The following MFSD12 variants were observed in gnomAD, a reference collection of about 807,000 sequenced individuals.
MFSD12 encodes major facilitator superfamily domain-containing protein 12.
MFSD12 carries 67 observed loss-of-function variants against 51.2 expected under a neutral mutation model. That is an observed-to-expected ratio of 1.31 (90% confidence interval 1.08 to 1.60). The LOEUF (loss-of-function observed/expected upper bound fraction) is 1.60. Among genes scored for constraint, MFSD12 ranks in the 40% most tolerant of loss-of-function variants. MFSD12 has a pLI of 0.00. For synonymous variants in MFSD12, 441 were observed against 316.7 expected (o/e 1.39, Z -4.17); for missense variants, 921 against 673.0 (o/e 1.37, Z -4.08).
At chr19:3,552,330 G>C (rs2031517931) in intron 1 of MFSD12, among the ~76,000 whole-genome samples, 1 of 149,266 alleles carries the variant, frequency 6.7e-6, no homozygotes, top group African/African-American at 2.5e-5. Context: ...ACCATACCCA[G>C]CTAATTTTTG....
At chr19:3,545,426 GCCT>G (rs796544625) in intron 8 of MFSD12, among the ~76,000 whole-genome samples, 17 of 151,130 alleles carry the variant, frequency 1.1e-4, no homozygotes, top group Admixed American at 5.9e-4. Flanking sequence ...AGCCACACAG[GCCT>G]CCTCCCTGTT....
intron 6 of MFSD12, among the ~76,000 whole-genome samples, chr19:3,546,857 A>AGAGTCTCGCTGT (rs2031102697): frequency 6.6e-6 from 1 of 151,920 alleles, no homozygotes; most frequent in Non-Finnish European, 1.5e-5. Flanking sequence ...TCTGGAGACA[A>AGAGTCTCGCTGT]GAGTCTCGCT....
chr19:3,546,282 CATGGCCAGCGAGGTGACGAGGATG>C lies in MFSD12; in HGVS notation c.1143_1166del (p.Ile382_Met389del). ...TGTGGGGACCGATGAGGTCGGCCGTCATGGCCAGCGAGGTGACGAGGATGGTGGCACAGCCAGCACCCAGCAGCA... is the reference window on the plus strand; with the variant it reads ...TGTGGGGACCGATGAGGTCGGCCGTCGTGGCACAGCCAGCACCCAGCAGCA... On this transcript the variant is annotated inframe_deletion, in exon 7 of 10. Transcript: ENST00000355415. 3.1e-6 allele frequency: 5 copies of C among 1,610,700 alleles called. No homozygotes were observed. The highest frequency in any genetic ancestry group is 4.2e-6 in the Non-Finnish European group (5 of 1,179,172).
chr19:3,551,219 G>T lies in MFSD12; in HGVS notation c.299-25C>A, dbSNP rs754102411. On this transcript the variant is annotated intron_variant, in intron 1 of 9. Transcript: ENST00000355415. This position sits in a 1 kb window ranked among gnomAD's most constrained non-coding sequence, Gnocchi z 4.6. Reference sequence around the variant, plus strand: ...CCTGTGGAAGGCAGAGTGGTCAGTCGCGGGGCTGTCCCGCACCAGCCAGGG... The same window carrying T: ...CCTGTGGAAGGCAGAGTGGTCAGTCTCGGGGCTGTCCCGCACCAGCCAGGG... The T allele has an allele frequency of 3.2e-6, 5 of 1,555,928 alleles. No individual in the cohort carries two copies. The highest frequency in any genetic ancestry group is 2.7e-5 in the African/African-American group (2 of 74,010).
At chr19:3,542,230 G>T, downstream of MFSD12, 1 of 985,348 alleles carries the variant, frequency 1.0e-6, no homozygotes, top group African/African-American at 1.7e-5. Flanking sequence ...GTCTATGTGG[G>T]GTCCCTCAAA....
In MFSD12 at chr19:3,557,555, G is replaced by A. The variant is rs1335713849; in HGVS notation, c.-152C>T. 3 of 302,870 alleles carry A rather than the reference G, an allele frequency of 9.9e-6. No individual in the cohort carries two copies. Among genetic ancestry groups the A allele is most frequent in the African/African-American group, 2.2e-5 (1 of 44,910 alleles). The allele number at this position is 302,870 out of a possible 1,614,324, so 18.8% of individuals were successfully genotyped here. A position where few individuals can be genotyped will look rare whatever the true frequency, so the allele number is the denominator to read the frequency against. On this transcript the variant is annotated 5_prime_UTR_variant, in exon 1 of 10. In the 5' UTR this introduces an upstream ATG that the reference lacks. Coordinates refer to ENST00000355415, the MANE Select transcript of MFSD12 (RefSeq NM_174983.5). ...CTCTTACGGCCGCGCCCTCACCCAC[G>A]TCCGCCGCGTCCGCCCCACGCTCGA...
rs2031228761 is a variant in MFSD12 at position 3,548,124 on chromosome 19, CG to C, written c.652del (p.Arg218GlyfsTer68). The C allele has an allele frequency of 6.2e-7, 1 of 1,606,504 alleles. No individual in the cohort carries two copies. Among genetic ancestry groups the C allele is most frequent in the East Asian group, 2.2e-5 (1 of 44,802 alleles). ...CGACCCACCCGGACTCCAGCTCACCCGGAACACGGGCACGTCCTGGCCCCCC... is the reference window on the plus strand; with the variant it reads ...CGACCCACCCGGACTCCAGCTCACCCGAACACGGGCACGTCCTGGCCCCCC... ...QLGGQDVPVFRNLSLLVVGVG... is the reference protein window; with the variant it reads ...QLGGQDVPVFXNLSLLVVGVG... On this transcript the variant is annotated frameshift_variant and splice_region_variant, in exon 3 of 10. Transcript: ENST00000355415. LOFTEE classifies it high-confidence loss of function.
At chr19:3,548,840 C>T (rs958358232) in intron 2 of MFSD12, among the ~76,000 whole-genome samples, 15 of 152,230 alleles carry the variant, frequency 9.9e-5, no homozygotes, top group Non-Finnish European at 1.8e-4. Flanking sequence ...TCAGATGGGG[C>T]CCTCAGGGGC....
intron 1 of MFSD12, among the ~76,000 whole-genome samples, chr19:3,552,467 CTTTTTT>C (rs397859575): frequency 6.1e-5 from 4 of 65,198 alleles, no homozygotes; most frequent in Non-Finnish European, 8.1e-5. Flanking sequence ...CGCGCCCCGC[CTTTTTT>C]TTTTTTTTTT....
chr19:3,543,520 G>A (rs1182264023), downstream of MFSD12: 34 of 1,529,352 alleles, frequency 2.2e-5, no homozygotes, highest in Middle Eastern at 7.0e-4. Flanking sequence ...GCCAGAGGGG[G>A]ACAGGAATGA....
rs1214564060 is a variant in MFSD12 at position 3,544,661 on chromosome 19, T to A, written c.*49A>T. ...TTCCCCAAGGCCCTGGGGGGCATCC[T>A]CGTGCGTCCCCACAGTTCCCTTGCA... is the stretch of plus-strand genomic sequence containing the variant. On this transcript the variant is annotated 3_prime_UTR_variant, in exon 10 of 10. Coordinates refer to ENST00000355415, the MANE Select transcript of MFSD12 (RefSeq NM_174983.5). 1 of 1,552,160 alleles carries A rather than the reference T, an allele frequency of 6.4e-7. No individual in the cohort carries two copies. The highest frequency in any genetic ancestry group is 8.7e-7 in the Non-Finnish European group (1 of 1,144,076).
intron 6 of MFSD12, 75 bp from the exon 7 acceptor site, chr19:3,546,500 A>C: frequency 4.0e-6 from 6 of 1,483,466 alleles, no homozygotes; most frequent in Non-Finnish European, 5.4e-6. Flanking sequence ...CGCCACCCCT[A>C]CCCCCAACCC....
At chr19:3,542,338 G>A, downstream of MFSD12, 2 of 985,420 alleles carry the variant, frequency 2.0e-6, no homozygotes, top group Non-Finnish European at 2.4e-6. Context: ...GCTGGAACCG[G>A]GCTTTCCGTG....
At position 3,551,120 on chromosome 19, in the gene MFSD12, A is replaced by G. The variant is rs1017405155; in HGVS notation, c.373T>C (p.Trp125Arg). ...CLGCGAATPE[W>R]AALLYYGPFI... Reference sequence around the variant, plus strand: ...GGGCCGTAGTAGAGGAGGGCAGCCCACTCGGGCGTGGCCGCCCCACAGCCC... The same window carrying G: ...GGGCCGTAGTAGAGGAGGGCAGCCCGCTCGGGCGTGGCCGCCCCACAGCCC... The change falls in exon 2 of 10, where the codon TGG (tryptophan) becomes CGG (arginine). Residue 125 changes from tryptophan (W) to arginine (R), a missense_variant. By Grantham distance (101) the Trp-to-Arg change is moderately radical (BLOSUM62 -3). Coordinates refer to ENST00000355415, the MANE Select transcript of MFSD12 (RefSeq NM_174983.5). This position sits in a 1 kb window ranked among gnomAD's most constrained non-coding sequence, Gnocchi z 4.6. 3.1e-6 allele frequency: 5 copies of G among 1,613,042 alleles called. No individual in the cohort carries two copies. The South Asian group carries it at 4.4e-5, about 14-fold the overall frequency.
intron 2 of MFSD12, 76 bp from the exon 3 acceptor site, chr19:3,548,343 C>CA (rs2145199607): frequency 1.3e-6 from 2 of 1,522,466 alleles, no homozygotes; most frequent in Non-Finnish European, 1.8e-6. Flanking sequence ...GCTACGCCGT[C>CA]AGAGAGGCCT....
intron 6 of MFSD12, 142 bp from the exon 7 acceptor site, chr19:3,546,567 C>G (rs2031075060): frequency 1.0e-6 from 1 of 988,024 alleles, no homozygotes; most frequent in Non-Finnish European, 1.5e-6. Flanking sequence ...TGGCCCTGGA[C>G]ACAACACCGA....
chr19:3,547,919 G>C lies in MFSD12; in HGVS notation c.766C>G (p.Leu256Val), dbSNP rs771158059. ...HAEEPGEHTP[L>V]LAPATAQPLL... is the part of the protein sequence containing the mutation. ...GGCTGGGCCGTGGCAGGGGCCAACAGGGGGGTGTGCTCGCCTGGCTCCTCC... is the reference window on the plus strand; with the variant it reads ...GGCTGGGCCGTGGCAGGGGCCAACACGGGGGTGTGCTCGCCTGGCTCCTCC... Residue 256 changes from leucine (L) to valine (V), a missense_variant, in exon 4 of 10, where the codon CTG becomes GTG. Transcript: ENST00000355415. 2 of 1,577,884 alleles carry C rather than the reference G, an allele frequency of 1.3e-6. No homozygotes were observed. Among genetic ancestry groups the C allele is most frequent in the Non-Finnish European group, 1.7e-6 (2 of 1,168,146 alleles).
downstream of MFSD12, chr19:3,543,408 C>A (rs1367666756): frequency 6.5e-7 from 1 of 1,548,178 alleles, no homozygotes; most frequent in South Asian, 1.2e-5. Flanking sequence ...CCGGCCAGCC[C>A]CTTCCGCGAG....
intron 1 of MFSD12, among the ~76,000 whole-genome samples, chr19:3,554,585 C>T (rs1207798032): frequency 6.6e-6 from 1 of 152,196 alleles, no homozygotes; most frequent in Non-Finnish European, 1.5e-5. Context: ...GAGGACTGTT[C>T]CTACCTTTTC....
Sources: allele counts gnomAD v4.1 joint callset (sites outside exome capture counted in the v4.1 genomes callset), GRCh38; gene constraint gnomAD v4.1.1; non-coding constraint Gnocchi (gnomAD v3.1); transcripts MANE v1.5; gene names NCBI Gene and HGNC (gene_info 2026-07-23, HGNC 2026-07-21).